Variants in ABCB5 observed in about 807,000 individuals in gnomAD.
ABCB5 encodes ATP-binding cassette sub-family B member 5.
ABCB5 carries 155 observed loss-of-function variants against 144.2 expected under a neutral mutation model. The ratio of observed to expected loss-of-function variants is 1.08; its 90% confidence interval spans 0.94 to 1.23. The LOEUF (loss-of-function observed/expected upper bound fraction) is 1.23, where lower values mean the gene tolerates loss of function less well. ABCB5 is among the 50% of genes most tolerant of loss of function. The pLI, the probability that ABCB5 is intolerant of heterozygous loss-of-function variation, is 0.00. For missense variants in ABCB5, 1,830 were observed against 1,520.8 expected (o/e 1.20, Z -3.38); for synonymous variants, 610 against 528.6 (o/e 1.15, Z -2.11).
intron 5 of ABCB5, among the ~76,000 whole-genome samples, chr7:20,642,526 AT>A (rs928957520): frequency 3.3e-5 from 5 of 150,858 alleles, no homozygotes; most frequent in African/African-American, 9.8e-5. Flanking sequence ...AGAAAAACCT[AT>A]TTTTTTTTCT....
At chr7:20,629,153 T>C (rs1318157646) in intron 4 of ABCB5, among the ~76,000 whole-genome samples, 7 of 146,954 alleles carry the variant, frequency 4.8e-5, no homozygotes, top group African/African-American at 1.6e-4. Context: ...TGCGTGTGTG[T>C]GTGTGTGTGT....
chr7:20,662,901 G>A (rs1225203097), intron 14 of ABCB5, among the ~76,000 whole-genome samples: 1 of 152,110 alleles, frequency 6.6e-6, no homozygotes, highest in Non-Finnish European at 1.5e-5. Context: ...TACTCTTGAG[G>A]GAGTCATAGA....
At chr7:20,616,559 A>G (rs915630229) in intron 1 of ABCB5, among the ~76,000 whole-genome samples, 1 of 152,034 alleles carries the variant, frequency 6.6e-6, no homozygotes, top group African/African-American at 2.4e-5. Flanking sequence ...CTATTTTTAC[A>G]TTTTCTTGTA....
chr7:20,700,017 CA>C (rs1786562033), intron 18 of ABCB5, 40 bp from the exon 19 acceptor site: 4 of 1,604,312 alleles, frequency 2.5e-6, no homozygotes, highest in Non-Finnish European at 3.4e-6. Context: ...CTAAATGTTA[CA>C]AAGGAAAAGA....
At position 20,648,152 on chromosome 7, in the gene ABCB5, T is replaced by G. The variant is rs1472423123; in HGVS notation, c.1206+74T>G. The stretch of plus-strand genomic sequence containing the variant: ...CTACTGGCCAAGATCTTCTCTGACA[T>G]GATTACTTAGGATCACTTTTTTCCA... On this transcript the variant is annotated intron_variant, in intron 11 of 27. Coordinates refer to ENST00000404938, the MANE Select transcript of ABCB5 (RefSeq NM_001163941.2). The G allele has an allele frequency of 1.8e-5, 17 of 923,202 alleles. No individual in the cohort carries two copies. In the Admixed American group the frequency reaches 4.0e-4, roughly 22 times the overall value. 57.2% of individuals were successfully genotyped at this position (923,202 alleles called of 1,614,324 possible).
intron 26 of ABCB5, among the ~76,000 whole-genome samples, chr7:20,750,295 T>C (rs1484085229): frequency 6.7e-6 from 1 of 149,876 alleles, no homozygotes; most frequent in Non-Finnish European, 1.5e-5. Context: ...AGATTGTTTC[T>C]GGAAAGTGAG....
chr7:20,739,178 G>A, intron 24 of ABCB5, 39 bp downstream of exon 24: 7 of 1,513,306 alleles, frequency 4.6e-6, no homozygotes, highest in Non-Finnish European at 6.2e-6. Flanking sequence ...AAATAAAGAT[G>A]GCAACAGTAG....
chr7:20,675,805 C>G (rs966696568), intron 14 of ABCB5, among the ~76,000 whole-genome samples: 27 of 151,608 alleles, frequency 1.8e-4, no homozygotes, highest in Admixed American at 1.8e-3. Context: ...TCCTATAACT[C>G]AATAGTAAAA....
chr7:20,666,085 G>A lies in ABCB5; in HGVS notation c.1707+7409G>A, dbSNP rs571340740. Among the ~76,000 whole-genome samples, 65 of 151,530 alleles carry A rather than the reference G, an allele frequency of 4.3e-4. 1 individual carries two copies. The highest frequency in any genetic ancestry group is 1.0e-3 in the South Asian group (5 of 4,796). Reference sequence around the variant, plus strand: ...CTTGAGAGGCTGTGGCAGGAGAATCGCTTGAACCCAGGAGGTGGAGGTTGC... The same window carrying A: ...CTTGAGAGGCTGTGGCAGGAGAATCACTTGAACCCAGGAGGTGGAGGTTGC... On this transcript the variant is annotated intron_variant, in intron 14 of 27. Transcript: ENST00000404938.
At chr7:20,710,381 A>AG (rs1554287104) in intron 20 of ABCB5, among the ~76,000 whole-genome samples, 8 of 56,732 alleles carry the variant, frequency 1.4e-4, no homozygotes, top group African/African-American at 4.6e-4. Context: ...AAAAAAAAAA[A>AG]GTGGGGGGGG....
Position 20,738,175 on chromosome 7 carries a change from A to G in ABCB5, c.2868-808A>G, listed in dbSNP as rs377360737. Among the ~76,000 whole-genome samples, 50 of 152,346 alleles carry G rather than the reference A, an allele frequency of 3.3e-4. No homozygotes were observed. In the East Asian group the frequency reaches 5.8e-3, roughly 18 times the overall value. On this transcript the variant is annotated intron_variant, in intron 23 of 27. Coordinates refer to ENST00000404938, the MANE Select transcript of ABCB5 (RefSeq NM_001163941.2). ...TAAATATTGCCAGCGACACTGGTCC[A>G]GTTTTAGCCTGATTGTGCCGTTAGG... is the stretch of plus-strand genomic sequence containing the variant.
intron 14 of ABCB5, among the ~76,000 whole-genome samples, chr7:20,669,072 CT>C (rs1702712936): frequency 6.7e-6 from 1 of 149,898 alleles, no homozygotes; most frequent in Non-Finnish European, 1.5e-5. Context: ...GCCCCTCTGC[CT>C]GGCCAGCCGC....
chr7:20,647,896 A>G (rs1182129376), intron 10 of ABCB5, 72 bp from the exon 11 acceptor site: 7 of 1,139,654 alleles, frequency 6.1e-6, no homozygotes, highest in Non-Finnish European at 9.0e-6. Context: ...CCATCCTTAT[A>G]CTATTTTTAA....
intron 20 of ABCB5, 29 bp from the exon 21 acceptor site, chr7:20,722,987 T>C: frequency 6.2e-7 from 1 of 1,606,560 alleles, no homozygotes; most frequent in Non-Finnish European, 8.5e-7. Flanking sequence ...TTAATTGAGT[T>C]TTTTCCCCCA....
chr7:20,734,028 G>A (rs1009232043), intron 23 of ABCB5, among the ~76,000 whole-genome samples: 3 of 152,098 alleles, frequency 2.0e-5, no homozygotes, highest in African/African-American at 7.2e-5. Flanking sequence ...ATTCTCTAGG[G>A]ATTCTCCTCC....
chr7:20,715,467 G>A (rs1781642042), intron 20 of ABCB5, among the ~76,000 whole-genome samples: 1 of 152,070 alleles, frequency 6.6e-6, no homozygotes, highest in Non-Finnish European at 1.5e-5. Context: ...TTAGAGTGCA[G>A]TTGCATGATC....
intron 21 of ABCB5, among the ~76,000 whole-genome samples, chr7:20,723,915 G>A (rs1386166860): frequency 6.6e-6 from 1 of 152,156 alleles, no homozygotes; most frequent in Non-Finnish European, 1.5e-5. Context: ...AGGTATTTAA[G>A]CTTCTTAGGA....
chr7:20,726,862 A>C (rs1782053352), intron 21 of ABCB5, among the ~76,000 whole-genome samples, 178 bp from the exon 22 acceptor site: 1 of 152,212 alleles, frequency 6.6e-6, no homozygotes, highest in South Asian at 2.1e-4. Flanking sequence ...TATCATCCAA[A>C]AGTGTCATTT....
At chr7:20,696,975 T>A (rs1355544191) in intron 16 of ABCB5, among the ~76,000 whole-genome samples, 6 of 152,192 alleles carry the variant, frequency 3.9e-5, no homozygotes, top group Admixed American at 3.9e-4. Flanking sequence ...TTTACTGGTG[T>A]CCTGGCACAT....
Sources: allele counts gnomAD v4.1 joint callset (sites outside exome capture counted in the v4.1 genomes callset), GRCh38; gene constraint gnomAD v4.1.1; transcripts MANE v1.5; gene names NCBI Gene and HGNC (gene_info 2026-07-23, HGNC 2026-07-21).